The following DGLUCY variants were observed in gnomAD, a reference collection of about 807,000 sequenced individuals.
DGLUCY encodes D-glutamate cyclase, mitochondrial.
In DGLUCY, 58 loss-of-function variants were observed where a neutral mutation model predicts 58.5. The ratio of observed to expected loss-of-function variants is 0.99; its 90% CI spans 0.80 to 1.23. The LOEUF is 1.23. DGLUCY is among the 50% of genes most tolerant of loss of function. The pLI is 0.00. For missense variants in DGLUCY, 779 were observed against 784.7 expected (o/e 0.99, Z 0.09); for synonymous variants, 325 against 314.1 (o/e 1.03, Z -0.37).
chr14:91,220,421 A>C (rs774622871), intron 13 of DGLUCY: 1 of 449,396 alleles, frequency 2.2e-6, no homozygotes, highest in South Asian at 1.6e-5. Flanking sequence ...TTATCATGAC[A>C]AGGTCCTTTC....
intron 13 of DGLUCY, among the ~76,000 whole-genome samples, chr14:91,220,268 G>T (rs889422735): frequency 1.3e-5 from 2 of 152,228 alleles, no homozygotes; most frequent in Non-Finnish European, 2.9e-5. Flanking sequence ...CCTCGAGTGG[G>T]GCCGTAACAG....
chr14:91,221,900 C>T (rs767190010), intron 13 of DGLUCY, among the ~76,000 whole-genome samples: 2 of 151,994 alleles, frequency 1.3e-5, no homozygotes, highest in African/African-American at 4.8e-5. Context: ...CCACTTTGAG[C>T]GGCATCATCA....
At chr14:91,220,573 A>G in intron 13 of DGLUCY, 1 of 456,336 alleles carries the variant, frequency 2.2e-6, no homozygotes, top group Non-Finnish European at 4.4e-6. Flanking sequence ...GGGCCTCCAG[A>G]TGCCATGTGG....
rs781379842 is a variant in DGLUCY at position 91,100,055 on chromosome 14, CAA to C, written c.-82+39370_-82+39371del. The stretch of plus-strand genomic sequence containing the variant: ...GGGCAACAAGAGTGAAACTCTGTCT[CAA>C]AAAAAAAAAAAAAAAAAAGAAGAAG... On this transcript the variant is annotated intron_variant, in intron 1 of 4. Coordinates refer to the DGLUCY transcript ENST00000521334. Among the ~76,000 whole-genome samples the C allele has an allele frequency of 1.4e-4, 18 of 130,654 alleles. 1 individual carries two copies. The highest frequency in any genetic ancestry group is 6.8e-4 in the South Asian group (3 of 4,438). 85.7% of individuals were successfully genotyped at this position (130,654 alleles called of 152,430 possible).
intron 3 of DGLUCY, among the ~76,000 whole-genome samples, chr14:91,162,039 T>G (rs2048025144): frequency 6.6e-6 from 1 of 152,084 alleles, no homozygotes; most frequent in Admixed American, 6.6e-5. Flanking sequence ...AGCCTGAGTA[T>G]GAGTCCCAGC....
Position 91,068,936 on chromosome 14 carries a change from G to A in DGLUCY, c.-82+8232G>A, listed in dbSNP as rs758295071. Among the ~76,000 whole-genome samples the A allele has an allele frequency of 4.9e-4, 75 of 152,298 alleles. 1 individual carries two copies. Among genetic ancestry groups the A allele is most frequent in the Admixed American group, 2.5e-3 (39 of 15,302 alleles). ...GAGCAGGCAATATGTTTCCTTAGAG[G>A]CACCAAATCATTGATCCTTGGATTG... On this transcript the variant is annotated intron_variant, in intron 1 of 4. Coordinates refer to the DGLUCY transcript ENST00000521334.
intron 13 of DGLUCY, among the ~76,000 whole-genome samples, chr14:91,222,100 A>T (rs1270679790): frequency 6.6e-6 from 1 of 152,100 alleles, no homozygotes; most frequent in Non-Finnish European, 1.5e-5. Flanking sequence ...CTCAGCCTGG[A>T]CTGGTGCAGT....
intron 1 of DGLUCY, among the ~76,000 whole-genome samples, chr14:91,155,447 C>T (rs778673821): frequency 1.4e-4 from 22 of 152,180 alleles, no homozygotes; most frequent in Non-Finnish European, 3.1e-4. Context: ...CATACAACTT[C>T]TAAAATCCTT....
intron 1 of DGLUCY, among the ~76,000 whole-genome samples, chr14:91,077,426 G>GAGA (rs1186064034): frequency 2.2e-5 from 3 of 135,612 alleles, no homozygotes; most frequent in African/African-American, 8.9e-5. Context: ...GAAGGAGGGA[G>GAGA]GGAGGAAGGA....
chr14:91,178,922 T>C (rs1004816064), intron 7 of DGLUCY, among the ~76,000 whole-genome samples: 3 of 152,010 alleles, frequency 2.0e-5, no homozygotes, highest in East Asian at 1.9e-4. Flanking sequence ...TCCCAGCTAC[T>C]TGGGAGGCTG....
chr14:91,163,192 G>A (rs776637054), intron 3 of DGLUCY, among the ~76,000 whole-genome samples: 7 of 151,994 alleles, frequency 4.6e-5, no homozygotes, highest in Non-Finnish European at 8.8e-5. Context: ...CCCTGGAGGT[G>A]GAGCTTGCAG....
intron 6 of DGLUCY, among the ~76,000 whole-genome samples, chr14:91,175,051 C>T (rs931078095): frequency 6.6e-6 from 1 of 152,110 alleles, no homozygotes; most frequent in African/African-American, 2.4e-5. Context: ...CTATGAACTT[C>T]CAATGAATCT....
chr14:91,163,567 C>T (rs1165323984), intron 3 of DGLUCY, among the ~76,000 whole-genome samples: 1 of 152,168 alleles, frequency 6.6e-6, no homozygotes, highest in Non-Finnish European at 1.5e-5. Flanking sequence ...ACATTCCCAG[C>T]GGATGGTTGC....
rs777612669 is a variant in DGLUCY at position 91,215,643 on chromosome 14, G to A, written c.1716+87G>A. The A allele has an allele frequency of 1.8e-5, 29 of 1,604,706 alleles. No individual in the cohort carries two copies. The South Asian group carries it at 3.2e-4, about 18-fold the overall frequency. ...CTGAGGTCCCAAGCCGTAAGCCGAGGGCTGGCACCCTGCTGCCCCTCAAAA... is the reference window on the plus strand; with the variant it reads ...CTGAGGTCCCAAGCCGTAAGCCGAGAGCTGGCACCCTGCTGCCCCTCAAAA... On this transcript the variant is annotated intron_variant, in intron 13 of 13. Transcript: ENST00000256324.
At chr14:91,113,864 A>G (rs981745867), upstream of DGLUCY, among the ~76,000 whole-genome samples, 2 of 152,160 alleles carry the variant, frequency 1.3e-5, no homozygotes, top group Non-Finnish European at 2.9e-5. Context: ...ACACCCCTAG[A>G]TCAATTACAT....
At chr14:91,074,469 A>C (rs1297989421) in intron 1 of DGLUCY, among the ~76,000 whole-genome samples, 1 of 151,834 alleles carries the variant, frequency 6.6e-6, no homozygotes, top group Non-Finnish European at 1.5e-5. Flanking sequence ...TGACAGAGTG[A>C]GAACCTGACT....
intron 13 of DGLUCY, among the ~76,000 whole-genome samples, chr14:91,224,250 G>A (rs904766721): frequency 2.6e-5 from 4 of 152,162 alleles, no homozygotes; most frequent in Admixed American, 1.3e-4. Flanking sequence ...CAGGCTGGCC[G>A]GGCACAGTGA....
chr14:91,219,558 C>T (rs1367259972), intron 13 of DGLUCY, among the ~76,000 whole-genome samples: 4 of 152,202 alleles, frequency 2.6e-5, no homozygotes, highest in Admixed American at 2.6e-4. Context: ...CAGCTCTGCT[C>T]AGTGAGTTGC....
intron 1 of DGLUCY, among the ~76,000 whole-genome samples, chr14:91,120,810 C>T (rs1038044890): frequency 6.6e-6 from 1 of 152,172 alleles, no homozygotes; most frequent in Non-Finnish European, 1.5e-5. Context: ...TTCCTCAAAT[C>T]AGCCCTTCCT....
Sources: gnomAD v4.1 joint callset for allele counts (sites outside exome capture counted in the v4.1 genomes callset) on GRCh38, gnomAD v4.1.1 for gene constraint, MANE v1.5 for transcripts, NCBI Gene and HGNC (gene_info 2026-07-23, HGNC 2026-07-21) for gene names.